SGSM1: variants seen among roughly 807,000 people sequenced by gnomAD.
The protein encoded by SGSM1 is RUN and TBC1 domain containing 2.
In SGSM1, 73 loss-of-function variants were observed where a neutral mutation model predicts 133.8. The observed-to-expected ratio is 0.55, with a 90% CI of 0.45 to 0.66. The LOEUF (loss-of-function observed/expected upper bound fraction) is 0.66. Ranked by LOEUF, SGSM1 falls within the 30% of genes least tolerant of loss-of-function variation. The pLI, the probability that SGSM1 is intolerant of heterozygous loss-of-function variation, is 0.00. For synonymous variants in SGSM1, 563 were observed against 573.0 expected (o/e 0.98, Z 0.25); for missense variants, 1,213 against 1,448.1 (o/e 0.84, Z 2.64).
intron 18 of SGSM1, among the ~76,000 whole-genome samples, chr22:24,897,096 C>T (rs1229772467): frequency 6.6e-6 from 1 of 151,140 alleles, no homozygotes; most frequent in East Asian, 2.0e-4. Flanking sequence ...GAGTCAACTG[C>T]ACGCGGGGCG....
At chr22:24,874,351 G>C in intron 12 of SGSM1, 5 of 1,511,438 alleles carry the variant, frequency 3.3e-6, no homozygotes, top group East Asian at 2.3e-5. Flanking sequence ...TCTTCCAGCT[G>C]TCTCAGTGTC....
chr22:24,859,922 G>A (rs1931029641), intron 9 of SGSM1, 82 bp downstream of exon 9: 2 of 1,570,756 alleles, frequency 1.3e-6, no homozygotes, highest in South Asian at 1.1e-5. Flanking sequence ...GGGGAGGGGA[G>A]GTTTGTATCC....
intron 2 of SGSM1, among the ~76,000 whole-genome samples, chr22:24,834,948 T>C (rs1384851410): frequency 1.3e-5 from 2 of 152,060 alleles, no homozygotes; most frequent in Non-Finnish European, 2.9e-5. Flanking sequence ...TCGCGTGATG[T>C]TGTGAGGCAA....
At position 24,891,547 on chromosome 22, in the gene SGSM1, T is replaced by C. The variant is rs577272388; in HGVS notation, c.1771-1884T>C. Among the ~76,000 whole-genome samples the C allele has an allele frequency of 5.2e-4, 79 of 152,270 alleles. 1 individual carries two copies. In the South Asian group the frequency reaches 0.016, roughly 31 times the overall value. On this transcript the variant is annotated intron_variant, in intron 16 of 24. Transcript: ENST00000400358. ...AAATGTCTGAAGTTCATCTCAGTAC[T>C]AGTGTGAGGCCCCTCCACACTTCAC...
intron 24 of SGSM1, 70 bp from the exon 25 acceptor site, chr22:24,924,116 G>C: frequency 6.9e-7 from 1 of 1,456,462 alleles, no homozygotes; most frequent in East Asian, 2.3e-5. Context: ...GAAGCCTCCA[G>C]GGGCTGGAAT....
intron 2 of SGSM1, among the ~76,000 whole-genome samples, chr22:24,840,137 G>A (rs942833420): frequency 6.6e-6 from 1 of 151,634 alleles, no homozygotes; most frequent in African/African-American, 2.4e-5. Flanking sequence ...GTAGAGACGG[G>A]GTTTCACTGT....
chr22:24,895,912 G>C (rs1337498078), intron 18 of SGSM1, among the ~76,000 whole-genome samples: 1 of 152,050 alleles, frequency 6.6e-6, no homozygotes, highest in African/African-American at 2.4e-5. Context: ...AGTTGGGCAT[G>C]GTGGTGCGTG....
At position 24,898,520 on chromosome 22, in the gene SGSM1, C is replaced by T. The variant is rs371893224; in HGVS notation, c.2571C>T (p.Asn857=). 26 of 1,612,946 alleles carry T rather than the reference C, an allele frequency of 1.6e-5. No individual in the cohort carries two copies. The highest frequency in any genetic ancestry group is 2.2e-5 in the East Asian group (1 of 44,884). Residue 857 remains asparagine (N), a synonymous_variant, in exon 19 of 25, where the codon AAC becomes AAT. Transcript: ENST00000400358. ...CTCTGGCTGTGACTACTTCTGCCAA[C>T]GAGGTGTCCCCTGTGTCTTCCAGCG... ...LASLAVTTSA[N]EVSPVSSSGV... is the part of the protein sequence containing the mutation.
rs147566933 is a variant in SGSM1, at chr22:24,854,169, A to G, written c.456-827A>G. On this transcript the variant is annotated intron_variant, in intron 5 of 24. Transcript: ENST00000400358. ...ACCATGTCAGATGGCATCACTTGCT[A>G]TTTTTCAGAGCCAGATCCCAGGGGG... Among the ~76,000 whole-genome samples the G allele has an allele frequency of 2.0e-3, 299 of 152,176 alleles. 1 individual carries two copies. The highest frequency in any genetic ancestry group is 6.6e-3 in the African/African-American group (275 of 41,520).
chr22:24,862,869 G>A (rs1366295720), intron 9 of SGSM1, among the ~76,000 whole-genome samples: 5 of 152,008 alleles, frequency 3.3e-5, no homozygotes, highest in Non-Finnish European at 7.4e-5. Flanking sequence ...GGAGTAGGAC[G>A]AGATATGGTC....
chr22:24,888,319 G>A (rs1932725150), intron 16 of SGSM1, among the ~76,000 whole-genome samples: 1 of 152,048 alleles, frequency 6.6e-6, no homozygotes, highest in Non-Finnish European at 1.5e-5. Flanking sequence ...AAATTTTCTA[G>A]TTTACATTTG....
intron 15 of SGSM1, among the ~76,000 whole-genome samples, chr22:24,886,293 C>T (rs571775262): frequency 8.6e-5 from 13 of 151,866 alleles, no homozygotes; most frequent in East Asian, 5.8e-4. Flanking sequence ...CCCAGCTACT[C>T]GGGAGGCTGA....
chr22:24,884,506 C>T (rs1932499516), intron 15 of SGSM1, among the ~76,000 whole-genome samples: 1 of 152,192 alleles, frequency 6.6e-6, no homozygotes, highest in Admixed American at 6.5e-5. Context: ...CCTGTAATCC[C>T]AGCACTTTGG....
At chr22:24,824,095 G>T (rs908964433) in intron 2 of SGSM1, among the ~76,000 whole-genome samples, 1 of 152,136 alleles carries the variant, frequency 6.6e-6, no homozygotes, top group Non-Finnish European at 1.5e-5. Flanking sequence ...TGTTACTCTA[G>T]GAGCTCAGAA....
intron 2 of SGSM1, among the ~76,000 whole-genome samples, chr22:24,822,272 T>G (rs1440377704): frequency 5.3e-5 from 8 of 151,884 alleles, no homozygotes; most frequent in Non-Finnish European, 1.0e-4. Context: ...TTTTGTATTT[T>G]TAGTAGAGAC....
At chr22:24,865,387 T>G (rs1931389547) in intron 9 of SGSM1, among the ~76,000 whole-genome samples, 1 of 152,140 alleles carries the variant, frequency 6.6e-6, no homozygotes, top group Non-Finnish European at 1.5e-5. Flanking sequence ...GCCCTTGTGT[T>G]CTTGACTGTC....
chr22:24,855,334 C>T lies in SGSM1; in HGVS notation c.573C>T (p.Phe191=). ...EYTKMKTADH[F]WTDPSADELV... ...CCAAGATGAAGACTGCAGATCACTT[C>T]TGGACCGATCCCTCGGCTGACGAAC... Residue 191 remains phenylalanine (F), a synonymous_variant, in exon 7 of 25, where the codon TTC becomes TTT. Coordinates refer to ENST00000400358, the MANE Select transcript of SGSM1 (RefSeq NM_001098497.3). The T allele has an allele frequency of 6.2e-7, 1 of 1,613,196 alleles. No individual in the cohort carries two copies. Among genetic ancestry groups the T allele is most frequent in the Non-Finnish European group, 8.5e-7 (1 of 1,179,562 alleles).
intron 2 of SGSM1, among the ~76,000 whole-genome samples, chr22:24,842,436 T>A (rs117956238): frequency 0.04 from 6,053 of 152,190 alleles, 113 homozygotes; most frequent in Middle Eastern, 0.085. Context: ...AAATATATAT[T>A]TTTTTTCAAA....
At chr22:24,873,453 A>G (rs1004489682) in intron 12 of SGSM1, among the ~76,000 whole-genome samples, 1 of 152,058 alleles carries the variant, frequency 6.6e-6, no homozygotes, top group African/African-American at 2.4e-5. Flanking sequence ...GTGAAAACCC[A>G]AAGTGTCTCC....
Sources: gnomAD v4.1 joint callset for allele counts (sites outside exome capture counted in the v4.1 genomes callset) on GRCh38, gnomAD v4.1.1 for gene constraint, MANE v1.5 for transcripts, NCBI Gene and HGNC (gene_info 2026-07-23, HGNC 2026-07-21) for gene names.